The following FMO2 variants were observed in gnomAD, a reference collection of about 807,000 sequenced individuals.
FMO2 encodes the protein flavin containing dimethylaniline monoxygenase 2.
Under a neutral mutation model 41.6 loss-of-function variants are expected in FMO2, and 33 were observed. The ratio of observed to expected loss-of-function variants is 0.79; its 90% CI spans 0.60 to 1.06. The LOEUF (loss-of-function observed/expected upper bound fraction) is 1.06, where lower values mean the gene tolerates loss of function less well. Ranked by LOEUF, FMO2 falls within the 50% of genes least tolerant of loss-of-function variation. The pLI, the probability that FMO2 is intolerant of heterozygous loss-of-function variation, is 0.00. For missense variants in FMO2, 619 were observed against 632.9 expected (o/e 0.98, Z 0.23); for synonymous variants, 214 against 219.6 (o/e 0.97, Z 0.23).
At chr1:171,186,049 C>T (rs1657834391) in intron 2 of FMO2, 1 of 437,428 alleles carries the variant, frequency 2.3e-6, no homozygotes, top group Admixed American at 3.7e-5. Flanking sequence ...GTAGCTGACC[C>T]AGGCATGTAA....
At position 171,209,117 on chromosome 1, in the gene FMO2, CCTTT is replaced by C; in HGVS notation, c.1581_1584del (p.Phe529AlafsTer23). ...CTGGGCCTTCTTGCTGTTGTTGTGG[CCTTT>C]TTTTGCCAACTTCAATGGTCCTAGT... On this transcript the variant is annotated frameshift_variant, in exon 9 of 9. Transcript: ENST00000209929. LOFTEE classifies it high-confidence loss of function. 1 of 696,686 alleles carries C rather than the reference CCTTT, an allele frequency of 1.4e-6. No individual in the cohort carries two copies. The allele number at this position is 696,686 out of a possible 1,614,324, so 43.2% of individuals were successfully genotyped here.
intron 4 of FMO2, among the ~76,000 whole-genome samples, chr1:171,197,258 C>T (rs1658343422): frequency 6.6e-6 from 1 of 152,172 alleles, no homozygotes; most frequent in Non-Finnish European, 1.5e-5. Context: ...TCCAGCTGTT[C>T]TGGTCCACCC....
rs368999567 is a variant in FMO2, at chr1:171,185,663, C to T, written c.-6-45C>T. ...GAGCACATCATAAGGATTCTCTTACCGGTTGTCCCAGTTAAGTAATGTTGA... is the reference window on the plus strand; with the variant it reads ...GAGCACATCATAAGGATTCTCTTACTGGTTGTCCCAGTTAAGTAATGTTGA... On this transcript the variant is annotated intron_variant, in intron 1 of 8. Transcript: ENST00000209929. The T allele has an allele frequency of 2.5e-5, 40 of 1,602,920 alleles. No homozygotes were observed. In the East Asian group the frequency reaches 2.7e-4, roughly 11 times the overall value.
chr1:171,199,482 T>C lies in FMO2; in HGVS notation c.621T>C (p.Ala207=), dbSNP rs1160752777. ...TTGCTGTTGAGCTGAGTAAGAATGC[T>C]GCTCAGGTGTGATGCTCTCTGCTTA... ...SDIAVELSKN[A]AQVFISTRHG... is the part of the protein sequence containing the mutation. The change falls in exon 5 of 9, where the codon GCT becomes GCC. Residue 207 remains alanine (A), a synonymous_variant. Coordinates refer to ENST00000209929, the MANE Select transcript of FMO2 (RefSeq NM_001460.5). 4 of 1,608,512 alleles carry C rather than the reference T, an allele frequency of 2.5e-6. No individual in the cohort carries two copies. In the African/African-American group the frequency reaches 4.0e-5, roughly 16 times the overall value.
intron 7 of FMO2, 61 bp from the exon 8 acceptor site, chr1:171,207,657 A>G (rs1658817721): frequency 1.8e-6 from 2 of 1,114,710 alleles, no homozygotes; most frequent in Admixed American, 1.9e-5. Flanking sequence ...AGAATCAACA[A>G]CTAGACAAAG....
In FMO2 at chr1:171,193,542, A is replaced by T. The variant is rs774968479; in HGVS notation, c.321+19A>T. Reference sequence around the variant, plus strand: ...GTTCCAGGTATTGTATTTTTGGGGAAATGGGTTTCTCTGCATTAGTTCAGC... The same window carrying T: ...GTTCCAGGTATTGTATTTTTGGGGATATGGGTTTCTCTGCATTAGTTCAGC... On this transcript the variant is annotated intron_variant, in intron 3 of 8. Transcript: ENST00000209929. 1 of 1,517,590 alleles carries T rather than the reference A, an allele frequency of 6.6e-7. No individual in the cohort carries two copies. The highest frequency in any genetic ancestry group is 2.3e-5 in the East Asian group (1 of 44,342). 94.0% of individuals were successfully genotyped at this position (1,517,590 alleles called of 1,614,324 possible). A position where few individuals can be genotyped will look rare whatever the true frequency, so the allele number is the denominator to read the frequency against.
chr1:171,208,905 T>G lies in FMO2; in HGVS notation c.1368T>G (p.Asp456Glu). Residue 456 changes from aspartate (D) to glutamate (E), a missense_variant, in exon 9 of 9, where the codon GAT (aspartate) becomes GAG (glutamate). Asp to Glu is a conservative substitution (Grantham distance 45, BLOSUM62 2). Coordinates refer to ENST00000209929, the MANE Select transcript of FMO2 (RefSeq NM_001460.5). ...ATTTCTGCTCTCTCTTGTTCAAAGATCCTAAACTGGCTGTGAGACTCTATT... is the reference window on the plus strand; with the variant it reads ...ATTTCTGCTCTCTCTTGTTCAAAGAGCCTAAACTGGCTGTGAGACTCTATT... ...KPDFCSLLFK[D>E]PKLAVRLYFG... 1.2e-6 allele frequency: 2 copies of G among 1,614,004 alleles called. No homozygotes were observed. Among genetic ancestry groups the G allele is most frequent in the Middle Eastern group, 1.7e-4 (1 of 6,058 alleles).
In FMO2 at chr1:171,211,697, T is replaced by G. The variant is rs766201345; in HGVS notation, c.*2552T>G. On this transcript the variant is annotated 3_prime_UTR_variant, in exon 9 of 9. Transcript: ENST00000209929. ...TTAAAGAAGGCTCATCAGTCTATCC[T>G]TCTGCCTCCATATATCCTGAACATC... Among the ~76,000 whole-genome samples, 4 of 152,238 alleles carry G rather than the reference T, an allele frequency of 2.6e-5. No individual in the cohort carries two copies. Among genetic ancestry groups the G allele is most frequent in the Non-Finnish European group, 4.4e-5 (3 of 68,040 alleles).
rs775812323 is a variant in FMO2 at position 171,193,370 on chromosome 1, A to G, written c.168A>G (p.Gln56=). ...AAGATGGCCGAGCAAGTATCTATCAATCTGTCGTTACCAACACCAGCAAAG... is the reference window on the plus strand; with the variant it reads ...AAGATGGCCGAGCAAGTATCTATCAGTCTGTCGTTACCAACACCAGCAAAG... ...NVEDGRASIY[Q]SVVTNTSKEM... The change falls in exon 3 of 9, where the codon CAA becomes CAG. Residue 56 remains glutamine (Q), a synonymous_variant. Transcript: ENST00000209929. 2.5e-6 allele frequency: 4 copies of G among 1,612,214 alleles called. No homozygotes were observed. The highest frequency in any genetic ancestry group is 1.6e-4 in the Middle Eastern group (1 of 6,080).
chr1:171,212,053 T>C lies in FMO2; in HGVS notation c.*2908T>C, dbSNP rs909805767. On this transcript the variant is annotated 3_prime_UTR_variant, in exon 9 of 9. Coordinates refer to ENST00000209929, the MANE Select transcript of FMO2 (RefSeq NM_001460.5). Reference sequence around the variant, plus strand: ...CAGCCTTGGTCCTCCAACTGCAGTTTACAATTTTTGTTCTTCTCCTGTAAA... The same window carrying C: ...CAGCCTTGGTCCTCCAACTGCAGTTCACAATTTTTGTTCTTCTCCTGTAAA... 1.3e-5 allele frequency among the ~76,000 whole-genome samples: 2 copies of C among 152,222 alleles called. No individual in the cohort carries two copies. The highest frequency in any genetic ancestry group is 2.9e-5 in the Non-Finnish European group (2 of 68,026).
intron 3 of FMO2, among the ~76,000 whole-genome samples, chr1:171,195,753 A>G (rs1477377241): frequency 6.6e-6 from 1 of 152,130 alleles, no homozygotes; most frequent in African/African-American, 2.4e-5. Context: ...TGAAACATTT[A>G]TGTACAATTT....
chr1:171,201,383 G>A (rs1429383186), intron 5 of FMO2, among the ~76,000 whole-genome samples: 2 of 152,070 alleles, frequency 1.3e-5, no homozygotes, highest in African/African-American at 4.8e-5. Context: ...ATTTATTAGA[G>A]TAACAACATA....
chr1:171,212,104 T>C lies in FMO2; in HGVS notation c.*2959T>C, dbSNP rs1277164291. ...GAATGTCAATGGTTATCACCTTCAA[T>C]AGTTTCAATATGTCCCCCAAAGTTA... On this transcript the variant is annotated 3_prime_UTR_variant, in exon 9 of 9. Coordinates refer to ENST00000209929, the MANE Select transcript of FMO2 (RefSeq NM_001460.5). Among the ~76,000 whole-genome samples the C allele has an allele frequency of 1.3e-5, 2 of 152,226 alleles. No individual in the cohort carries two copies. The highest frequency in any genetic ancestry group is 2.9e-5 in the Non-Finnish European group (2 of 68,038).
In FMO2 at chr1:171,202,066, C is replaced by T. The variant is rs545782825; in HGVS notation, c.628-1799C>T. Reference sequence around the variant, plus strand: ...TCTCTGGCCTTTGACCTAAAACATGCGTCTCAGAGAAAGCAGCCTGAGCCT... The same window carrying T: ...TCTCTGGCCTTTGACCTAAAACATGTGTCTCAGAGAAAGCAGCCTGAGCCT... On this transcript the variant is annotated intron_variant, in intron 5 of 8. Coordinates refer to ENST00000209929, the MANE Select transcript of FMO2 (RefSeq NM_001460.5). Among the ~76,000 whole-genome samples, 22 of 152,218 alleles carry T rather than the reference C, an allele frequency of 1.4e-4. 1 individual carries two copies. The South Asian group carries it at 3.9e-3, about 27-fold the overall frequency.
chr1:171,205,030 T>G (rs1197108384), intron 6 of FMO2, among the ~76,000 whole-genome samples: 1 of 152,216 alleles, frequency 6.6e-6, no homozygotes, highest in African/African-American at 2.4e-5. Context: ...CCCTTGGGGA[T>G]GCTTCCTTCC....
In FMO2 at chr1:171,196,831, C is replaced by T. The variant is rs375409772; in HGVS notation, c.484+20C>T. The T allele has an allele frequency of 1.9e-6, 3 of 1,606,792 alleles. No homozygotes were observed. The highest frequency in any genetic ancestry group is 2.2e-5 in the East Asian group (1 of 44,684). Reference sequence around the variant, plus strand: ...TTCCAGGTGAGACCCGCTGGGATTCCCAGCTTTTTGGAGTAGGTTTCCAGG... The same window carrying T: ...TTCCAGGTGAGACCCGCTGGGATTCTCAGCTTTTTGGAGTAGGTTTCCAGG... On this transcript the variant is annotated intron_variant, in intron 4 of 8. Coordinates refer to ENST00000209929, the MANE Select transcript of FMO2 (RefSeq NM_001460.5).
chr1:171,206,551 A>G (rs1410494995), intron 7 of FMO2, among the ~76,000 whole-genome samples: 1 of 152,210 alleles, frequency 6.6e-6, no homozygotes, highest in Non-Finnish European at 1.5e-5. Context: ...ATTATAGATC[A>G]GTTCTTCCCA....
chr1:171,188,428 C>A (rs774861367), intron 2 of FMO2, among the ~76,000 whole-genome samples: 4 of 152,126 alleles, frequency 2.6e-5, no homozygotes, highest in African/African-American at 4.8e-5. Context: ...GTAACAGTAT[C>A]ACATTTCAAA....
chr1:171,186,011 T>A, intron 2 of FMO2, 166 bp downstream of exon 2: 1 of 720,966 alleles, frequency 1.4e-6, no homozygotes, highest in Non-Finnish European at 2.2e-6. Context: ...CTGGCATCTC[T>A]CCCCCAGTCA....
Sources: allele counts gnomAD v4.1 joint callset (sites outside exome capture counted in the v4.1 genomes callset), GRCh38; gene constraint gnomAD v4.1.1; transcripts MANE v1.5; gene names NCBI Gene and HGNC (gene_info 2026-07-23, HGNC 2026-07-21).